Variants in FCGR2B observed in about 807,000 individuals in gnomAD.
FCGR2B encodes low affinity immunoglobulin gamma Fc region receptor II-b.
In FCGR2B, 18 loss-of-function variants were observed where a neutral mutation model predicts 24.8. The observed-to-expected ratio is 0.73, with a 90% CI of 0.50 to 1.08. The LOEUF is 1.08. Ranked by LOEUF, FCGR2B falls within the 50% of genes least tolerant of loss-of-function variation. The pLI is 0.00. For synonymous variants in FCGR2B, 79 were observed against 109.8 expected, an observed-to-expected ratio of 0.72 and a Z score of 1.75; for missense variants, 215 against 297.6, an observed-to-expected ratio of 0.72 and a Z score of 2.04.
chr1:161,661,226 GA>G, upstream of FCGR2B, among the ~76,000 whole-genome samples: 1 of 74,444 alleles, frequency 1.3e-5, no homozygotes, highest in South Asian at 4.0e-4. Context: ...AAGAAAGAAA[GA>G]AAGAAAGAAA....
chr1:161,677,612 TC>T lies in FCGR2B; in HGVS notation c.*61del, dbSNP rs1368994448. The T allele has an allele frequency of 2.2e-6, 3 of 1,368,382 alleles. No homozygotes were observed. The highest frequency in any genetic ancestry group is 4.6e-5 in the East Asian group (2 of 43,702). The allele number at this position is 1,368,382 out of a possible 1,614,324, so 84.8% of individuals were successfully genotyped here. ...AATCAGAGAGGGAAGATCTGGTATT[TC>T]CTGGCCTAAATTCCCCTTGGGGAGG... is the stretch of plus-strand genomic sequence containing the variant. On this transcript the variant is annotated 3_prime_UTR_variant, in exon 8 of 8. Transcript: ENST00000358671.
chr1:161,670,832 GT>G lies in FCGR2B; in HGVS notation c.134-559del, dbSNP rs531581329. Among the ~76,000 whole-genome samples the G allele has an allele frequency of 5.2e-3, 636 of 122,552 alleles. 5 individuals carry two copies. The highest frequency in any genetic ancestry group is 0.018 in the African/African-American group (580 of 31,918). 80.4% of individuals were successfully genotyped at this position (122,552 alleles called of 152,430 possible). ...TCCTTCTGAGGCCAGAGAGGCTCGT[GT>G]ATGCTTGGGTGTGAGGACGGGCCAT... On this transcript the variant is annotated intron_variant, in intron 2 of 7. Coordinates refer to ENST00000358671, the MANE Select transcript of FCGR2B (RefSeq NM_001394477.1).
chr1:161,671,798 G>C (rs1681690458), intron 3 of FCGR2B, 149 bp downstream of exon 3: 1 of 1,454,318 alleles, frequency 6.9e-7, no homozygotes, highest in Non-Finnish European at 9.2e-7. Flanking sequence ...GGTTGTTTTT[G>C]CCTCAGTTCT....
upstream of FCGR2B, among the ~76,000 whole-genome samples, chr1:161,660,960 G>C (rs1455316450): frequency 2.5e-5 from 2 of 81,428 alleles, no homozygotes; most frequent in African/African-American, 1.1e-4. Context: ...TGTAATTCCA[G>C]CTGCTTGGGA....
rs1044855546 is a variant in FCGR2B, at chr1:161,678,073, C to G, written c.*520C>G. Reference sequence around the variant, plus strand: ...AAAAACAACATTCTGTTTACCTTTTCAAGGCTGTATTGGTTGGAGTGTAGA... The same window carrying G: ...AAAAACAACATTCTGTTTACCTTTTGAAGGCTGTATTGGTTGGAGTGTAGA... On this transcript the variant is annotated 3_prime_UTR_variant, in exon 8 of 8. Coordinates refer to ENST00000358671, the MANE Select transcript of FCGR2B (RefSeq NM_001394477.1). 4.6e-6 allele frequency: 1 copy of G among 218,322 alleles called. No individual in the cohort carries two copies. Among genetic ancestry groups the G allele is most frequent in the Non-Finnish European group, 9.2e-6 (1 of 108,828 alleles). 13.5% of individuals were successfully genotyped at this position (218,322 alleles called of 1,614,324 possible). A position where few individuals can be genotyped will look rare whatever the true frequency, so the allele number is the denominator to read the frequency against.
At chr1:161,652,243 C>T in the FCGR2B span, among the ~76,000 whole-genome samples, 1 of 133,216 alleles carries the variant, frequency 7.5e-6, no homozygotes, top group Non-Finnish European at 1.7e-5. Context: ...ATATGTTAGG[C>T]CAGTTTACAT....
the FCGR2B span, among the ~76,000 whole-genome samples, chr1:161,649,587 C>A: frequency 9.4e-4 from 142 of 150,750 alleles, 3 homozygotes; most frequent in Admixed American, 2.4e-3. Flanking sequence ...AAGACTGAGG[C>A]AGGATGACTA....
At chr1:161,651,658 G>A in the FCGR2B span, among the ~76,000 whole-genome samples, 1 of 120,186 alleles carries the variant, frequency 8.3e-6, no homozygotes, top group African/African-American at 2.7e-5. Context: ...AGATCTGGCC[G>A]GGCGCAGTGG....
At chr1:161,674,317 T>C (rs1681938620) in intron 5 of FCGR2B, 1 of 238,506 alleles carries the variant, frequency 4.2e-6, no homozygotes, top group Non-Finnish European at 8.2e-6. Flanking sequence ...GTCCCTGCCC[T>C]TGGGGAGTTC....
At chr1:161,654,436 C>T in the FCGR2B span, among the ~76,000 whole-genome samples, 2 of 136,848 alleles carry the variant, frequency 1.5e-5, no homozygotes, top group African/African-American at 4.9e-5. Context: ...TTCCTGTGCC[C>T]TGGGCCCTTC....
At chr1:161,677,128 C>T (rs1234893306) in intron 6 of FCGR2B, 200 bp from the exon 7 acceptor site, 15 of 598,816 alleles carry the variant, frequency 2.5e-5, no homozygotes, top group African/African-American at 3.9e-5. Context: ...TTGGCCTTTG[C>T]GGAAGGCTGT....
At chr1:161,665,286 CA>C (rs529326020) in intron 1 of FCGR2B, among the ~76,000 whole-genome samples, 4,348 of 35,618 alleles carry the variant, frequency 0.12, 383 homozygotes, top group Middle Eastern at 0.21. Flanking sequence ...TTCTCCAGCT[CA>C]AAAACAAAGC....
At chr1:161,671,853 T>C in intron 3 of FCGR2B, 1 of 991,858 alleles carries the variant, frequency 1.0e-6, no homozygotes, top group South Asian at 1.8e-5. Flanking sequence ...GGCAGCCAAG[T>C]GTGAGAGAAG....
At chr1:161,667,505 A>G (rs1681364266) in intron 1 of FCGR2B, among the ~76,000 whole-genome samples, 1 of 106,974 alleles carries the variant, frequency 9.3e-6, no homozygotes, top group African/African-American at 3.6e-5. Context: ...AGAGACAGAG[A>G]AAGGCAACGA....
chr1:161,675,399 G>A (rs1049879084), intron 6 of FCGR2B, 86 bp downstream of exon 6: 9 of 956,038 alleles, frequency 9.4e-6, no homozygotes, highest in African/African-American at 8.6e-5. Flanking sequence ...GCTTGTGCAA[G>A]TTCAGCTGGG....
At chr1:161,671,702 T>C (rs1681679977) in intron 3 of FCGR2B, 53 bp downstream of exon 3, 10 of 1,607,792 alleles carry the variant, frequency 6.2e-6, no homozygotes, top group Middle Eastern at 1.7e-4. Flanking sequence ...ACGGATGAAA[T>C]CTGCTTTCAG....
the FCGR2B span, among the ~76,000 whole-genome samples, chr1:161,648,500 G>T: frequency 6.7e-6 from 1 of 149,716 alleles, no homozygotes; most frequent in South Asian, 2.1e-4. Flanking sequence ...GTGCTTATTT[G>T]GTCATTTGGA....
Position 161,671,544 on chromosome 1 carries a change from C to G in FCGR2B, c.286C>G (p.Gln96Glu). 1.9e-6 allele frequency: 3 copies of G among 1,614,196 alleles called. No homozygotes were observed. Among genetic ancestry groups the G allele is most frequent in the Non-Finnish European group, 2.5e-6 (3 of 1,180,042 alleles). Residue 96 changes from glutamine (Q) to glutamate (E), a missense_variant, in exon 3 of 8, where the codon CAG (glutamine) becomes GAG (glutamate). This residue lies in a region of FCGR2B where 77 missense variants were observed against 68.8 expected (regional missense o/e 1.12). Transcript: ENST00000358671. ...TGGGAATCTCATTCCCACCCACACG[C>G]AGCCCAGCTACAGGTTCAAGGCCAA... ...HNGNLIPTHT[Q>E]PSYRFKANNN...
chr1:161,649,763 G>A, the FCGR2B span, among the ~76,000 whole-genome samples: 95 of 149,838 alleles, frequency 6.3e-4, 1 homozygote, highest in South Asian at 1.9e-3. Flanking sequence ...CTAGGAGGCC[G>A]TTGTACTATT....
Sources: gnomAD v4.1 joint callset for allele counts (sites outside exome capture counted in the v4.1 genomes callset) on GRCh38, gnomAD v4.1.1 for gene constraint, gnomAD v4.1.1 regional missense constraint, MANE v1.5 for transcripts, NCBI Gene and HGNC (gene_info 2026-07-23, HGNC 2026-07-21) for gene names.